SCRG1: variants seen among roughly 807,000 people sequenced by gnomAD.
SCRG1 encodes the protein stimulator of chondrogenesis 1.
Under a neutral mutation model 7.7 loss-of-function variants are expected in SCRG1, and 3 were observed. The ratio of observed to expected loss-of-function variants is 0.39; its 90% CI spans 0.18 to 1.01. The LOEUF (loss-of-function observed/expected upper bound fraction) is 1.01, where lower values mean the gene tolerates loss of function less well. Ranked by LOEUF, SCRG1 falls within the 50% of genes least tolerant of loss-of-function variation. SCRG1 has a pLI of 0.36. For synonymous variants in SCRG1, 46 were observed against 41.2 expected (o/e 1.12, Z -0.44); for missense variants, 110 against 117.2 (o/e 0.94, Z 0.28).
chr4:173,485,044 TA>T, the SCRG1 span, among the ~76,000 whole-genome samples: 1 of 16,732 alleles, frequency 6.0e-5, no homozygotes, highest in Non-Finnish European at 1.1e-4. Flanking sequence ...TATTATATAT[TA>T]TATAATATAT....
chr4:173,480,044 A>T, the SCRG1 span, among the ~76,000 whole-genome samples: 2 of 151,834 alleles, frequency 1.3e-5, no homozygotes, highest in Admixed American at 1.3e-4. Flanking sequence ...ATCACAGCTC[A>T]CTACAGCCTC....
At chr4:173,391,593 T>A (rs1355636808) in intron 1 of SCRG1, among the ~76,000 whole-genome samples, 165 bp from the exon 2 acceptor site, 1 of 152,168 alleles carries the variant, frequency 6.6e-6, no homozygotes, top group Non-Finnish European at 1.5e-5. Context: ...TTTATGACCA[T>A]CTATGATAAA....
At chr4:173,484,957 A>T in the SCRG1 span, among the ~76,000 whole-genome samples, 2 of 50,566 alleles carry the variant, frequency 4.0e-5, no homozygotes, top group African/African-American at 1.6e-4. Flanking sequence ...ATATAATATT[A>T]TATATATTAT....
the SCRG1 span, among the ~76,000 whole-genome samples, chr4:173,503,580 G>A: frequency 2.0e-4 from 30 of 152,076 alleles, no homozygotes; most frequent in Non-Finnish European, 3.1e-4. The surrounding 1 kb of genome is among the most constrained non-coding windows in gnomAD (Gnocchi z 6.4). Context: ...CAAGTTTTTA[G>A]GAAGAAAATA....
At chr4:173,469,141 T>C in the SCRG1 span, 2 of 152,272 alleles carry the variant, frequency 1.3e-5, no homozygotes, top group East Asian at 1.9e-4. Context: ...AATTTAAAAA[T>C]TGGATACTCT....
chr4:173,428,638 G>A, the SCRG1 span, among the ~76,000 whole-genome samples: 1 of 152,138 alleles, frequency 6.6e-6, no homozygotes, highest in Non-Finnish European at 1.5e-5. Flanking sequence ...TTAAGAATAG[G>A]GCCAGAGGAA....
At chr4:173,494,472 T>C in the SCRG1 span, among the ~76,000 whole-genome samples, 1 of 152,198 alleles carries the variant, frequency 6.6e-6, no homozygotes, top group South Asian at 2.1e-4. Flanking sequence ...AGAGACAATG[T>C]GCCAACACGG....
At chr4:173,473,907 T>C in the SCRG1 span, among the ~76,000 whole-genome samples, 6 of 152,188 alleles carry the variant, frequency 3.9e-5, no homozygotes, top group African/African-American at 1.2e-4. Context: ...GGGCCGGACA[T>C]GGTGGCTCAC....
the SCRG1 span, among the ~76,000 whole-genome samples, chr4:173,508,372 C>A: frequency 6.6e-6 from 1 of 152,172 alleles, no homozygotes; most frequent in East Asian, 1.9e-4. The surrounding 1 kb of genome is among the most constrained non-coding windows in gnomAD (Gnocchi z 4.4). Context: ...ATGTAAATTT[C>A]TCCAACTAAC....
the SCRG1 span, among the ~76,000 whole-genome samples, chr4:173,429,650 C>T: frequency 1.3e-5 from 2 of 152,284 alleles, no homozygotes; most frequent in East Asian, 3.9e-4. Context: ...GAGCTGCTCT[C>T]TCCATATGGA....
the SCRG1 span, among the ~76,000 whole-genome samples, chr4:173,475,786 T>A: frequency 1.3e-5 from 2 of 152,200 alleles, no homozygotes; most frequent in African/African-American, 4.8e-5. Context: ...ATCTGACATG[T>A]GCTTCAACAA....
At chr4:173,482,643 C>A in the SCRG1 span, among the ~76,000 whole-genome samples, 14 of 151,820 alleles carry the variant, frequency 9.2e-5, no homozygotes, top group Admixed American at 1.3e-4. Context: ...CAAAGCAAAA[C>A]CCTGTCTCTA....
chr4:173,435,952 A>G, the SCRG1 span, among the ~76,000 whole-genome samples: 2 of 152,238 alleles, frequency 1.3e-5, no homozygotes, highest in African/African-American at 4.8e-5. Context: ...TGGTCATCAC[A>G]AAGAGAAGGC....
the SCRG1 span, among the ~76,000 whole-genome samples, chr4:173,479,168 A>T: frequency 6.6e-6 from 1 of 152,190 alleles, no homozygotes; most frequent in Admixed American, 6.5e-5. Flanking sequence ...ATAAAATAAC[A>T]TGAGTAAAGA....
chr4:173,391,569 T>C, intron 1 of SCRG1, 141 bp from the exon 2 acceptor site: 2 of 824,190 alleles, frequency 2.4e-6, no homozygotes, highest in Non-Finnish European at 3.8e-6. Flanking sequence ...TGTTTGTGTT[T>C]CTCAAAGTGT....
At chr4:173,418,062 T>A in the SCRG1 span, among the ~76,000 whole-genome samples, 1 of 152,150 alleles carries the variant, frequency 6.6e-6, no homozygotes, top group Admixed American at 6.5e-5. Context: ...GGATGAATAA[T>A]TTGGTGGTGG....
the SCRG1 span, among the ~76,000 whole-genome samples, chr4:173,442,612 T>C: frequency 6.6e-6 from 1 of 152,226 alleles, no homozygotes; most frequent in Non-Finnish European, 1.5e-5. Flanking sequence ...TTTCTGATGC[T>C]ATAATAGAAC....
At chr4:173,470,309 C>A in the SCRG1 span, among the ~76,000 whole-genome samples, 1 of 152,018 alleles carries the variant, frequency 6.6e-6, no homozygotes, top group African/African-American at 2.4e-5. Flanking sequence ...CTATTTTGTG[C>A]AACCCACCAT....
At position 173,386,181 on chromosome 4, in the gene SCRG1, C is replaced by A; in HGVS notation, c.*2160G>T. 1 of 152,478 alleles carries A rather than the reference C, an allele frequency of 6.6e-6. No homozygotes were observed. Among genetic ancestry groups the A allele is most frequent in the Non-Finnish European group, 1.5e-5 (1 of 68,208 alleles). 9.4% of individuals were successfully genotyped at this position (152,478 alleles called of 1,614,324 possible). A position where few individuals can be genotyped will look rare whatever the true frequency, so the allele number is the denominator to read the frequency against. On this transcript the variant is annotated 3_prime_UTR_variant, in exon 3 of 3. Transcript: ENST00000296506. ...ACGGAGTCTCACTCTGTCGCCCAGG[C>A]TGGAGTGCAGTGGCACGATCTCAGC...
Sources: gnomAD v4.1 joint callset for allele counts (sites outside exome capture counted in the v4.1 genomes callset) on GRCh38, gnomAD v4.1.1 for gene constraint, Gnocchi (gnomAD v3.1) non-coding constraint, MANE v1.5 for transcripts, NCBI Gene and HGNC (gene_info 2026-07-23, HGNC 2026-07-21) for gene names.